Variants in PSMD1 observed in about 807,000 individuals in gnomAD.
PSMD1 encodes proteasome 26S subunit, non-ATPase 1.
In PSMD1, 18 loss-of-function variants were observed where a neutral mutation model predicts 119.0. The observed-to-expected ratio is 0.15, with a 90% confidence interval of 0.10 to 0.22. The LOEUF is 0.22. Ranked by LOEUF, PSMD1 falls within the 10% of genes least tolerant of loss-of-function variation. The pLI is 1.00. For missense variants in PSMD1, 702 were observed against 1,158.5 expected (o/e 0.61, Z 5.72); for synonymous variants, 374 against 396.6 (o/e 0.94, Z 0.68).
intron 16 of PSMD1, among the ~76,000 whole-genome samples, chr2:231,134,361 A>T (rs928943890): frequency 6.6e-6 from 1 of 152,248 alleles, no homozygotes. Flanking sequence ...GAACCGCTGT[A>T]TCAGACAATT....
At chr2:231,119,986 C>G (rs1316929774) in intron 16 of PSMD1, among the ~76,000 whole-genome samples, 1 of 144,416 alleles carries the variant, frequency 6.9e-6, no homozygotes, top group Non-Finnish European at 1.5e-5. Flanking sequence ...AGAGCCTCAC[C>G]CCGTCACCCA....
At position 231,170,906 on chromosome 2, in the gene PSMD1, C is replaced by T. The variant is rs952579114; in HGVS notation, c.*9+185C>T. Among the ~76,000 whole-genome samples the T allele has an allele frequency of 2.6e-5, 4 of 152,076 alleles. No individual in the cohort carries two copies. The highest frequency in any genetic ancestry group is 5.9e-5 in the Non-Finnish European group (4 of 67,998). ...ATAACCACAAATTCCTTTTTCTTTC[C>T]TCTTTGACTCGTACTCTACTCACGT... On this transcript the variant is annotated intron_variant, in intron 24 of 24. Transcript: ENST00000308696. This position sits in a 1 kb window ranked among gnomAD's most constrained non-coding sequence, Gnocchi z 4.1.
At chr2:231,114,051 A>G (rs1559236406) in intron 16 of PSMD1, 1 of 758,674 alleles carries the variant, frequency 1.3e-6, no homozygotes, top group Non-Finnish European at 2.3e-6. Context: ...TATAACTTTA[A>G]CAACATAATG....
intron 9 of PSMD1, among the ~76,000 whole-genome samples, chr2:231,078,335 C>G (rs1475338010): frequency 1.3e-5 from 2 of 152,156 alleles, no homozygotes; most frequent in African/African-American, 4.8e-5. Context: ...CAGGTTATCT[C>G]AACACCTTGG....
At chr2:231,151,084 A>C (rs1696368187) in intron 18 of PSMD1, among the ~76,000 whole-genome samples, 1 of 152,198 alleles carries the variant, frequency 6.6e-6, no homozygotes, top group African/African-American at 2.4e-5. Flanking sequence ...ACAGCGTTGC[A>C]TAAAATTTTA....
At chr2:231,169,146 TTGGGATTTTTTTTTGTGTGTG>T in intron 23 of PSMD1, among the ~76,000 whole-genome samples, 1 of 152,344 alleles carries the variant, frequency 6.6e-6, no homozygotes, top group African/African-American at 2.4e-5. Flanking sequence ...ATTATTAGTT[TTGGGATTTTTTTTTGTGTGTG>T]TGTTACTGTT....
chr2:231,092,616 C>A (rs187112646), intron 16 of PSMD1, among the ~76,000 whole-genome samples: 331 of 152,264 alleles, frequency 2.2e-3, no homozygotes, highest in African/African-American at 6.4e-3. Flanking sequence ...GGCTGCAAAA[C>A]TGTGATTGAT....
intron 5 of PSMD1, among the ~76,000 whole-genome samples, chr2:231,068,259 T>C (rs1329717211): frequency 6.6e-6 from 1 of 152,206 alleles, no homozygotes; most frequent in Non-Finnish European, 1.5e-5. Context: ...GTGTTTAGCG[T>C]CGATAATACG....
intron 16 of PSMD1, among the ~76,000 whole-genome samples, chr2:231,093,715 G>T (rs1020498476): frequency 1.3e-5 from 2 of 152,104 alleles, no homozygotes; most frequent in African/African-American, 4.8e-5. Flanking sequence ...AAAATTAAGG[G>T]TAAATAAGGC....
intron 3 of PSMD1, 85 bp from the exon 4 acceptor site, chr2:231,062,419 ACT>A (rs1386259027): frequency 6.5e-7 from 1 of 1,548,254 alleles, no homozygotes; most frequent in African/African-American, 1.4e-5. Flanking sequence ...TTTGCTGTTA[ACT>A]GAATTGTGGC....
At chr2:231,079,101 C>G (rs1694245710) in intron 10 of PSMD1, among the ~76,000 whole-genome samples, 1 of 152,034 alleles carries the variant, frequency 6.6e-6, no homozygotes, top group African/African-American at 2.4e-5. Flanking sequence ...GGCCTAAAAT[C>G]CTTTTTAACA....
intron 7 of PSMD1, among the ~76,000 whole-genome samples, chr2:231,074,520 T>G (rs1694116226): frequency 6.6e-6 from 1 of 152,180 alleles, no homozygotes; most frequent in African/African-American, 2.4e-5. Context: ...TCTGAAATTA[T>G]TATTTTTTCT....
chr2:231,062,821 C>T, intron 4 of PSMD1, 146 bp downstream of exon 4: 3 of 670,900 alleles, frequency 4.5e-6, no homozygotes, highest in South Asian at 4.8e-5. Context: ...TTTATGCAGG[C>T]TGAGTTTTTA....
intron 16 of PSMD1, among the ~76,000 whole-genome samples, chr2:231,105,727 G>A (rs1323035104): frequency 1.3e-5 from 2 of 151,960 alleles, no homozygotes; most frequent in South Asian, 4.1e-4. Context: ...GTGATTCCTT[G>A]AATATAAAAA....
chr2:231,112,083 T>C (rs1177597285), intron 16 of PSMD1, among the ~76,000 whole-genome samples: 1 of 152,164 alleles, frequency 6.6e-6, no homozygotes, highest in Non-Finnish European at 1.5e-5. Context: ...AATATTTTAA[T>C]TATTCTTAAG....
At chr2:231,110,146 C>G (rs1311070946) in intron 16 of PSMD1, among the ~76,000 whole-genome samples, 1 of 152,068 alleles carries the variant, frequency 6.6e-6, no homozygotes, top group African/African-American at 2.4e-5. Context: ...ATGGCGAAAC[C>G]CCATCTCTAC....
At chr2:231,121,136 T>C (rs1695526566) in intron 16 of PSMD1, among the ~76,000 whole-genome samples, 1 of 152,208 alleles carries the variant, frequency 6.6e-6, no homozygotes, top group Non-Finnish European at 1.5e-5. Flanking sequence ...GTTCACAGAT[T>C]TGTTCATTTT....
At chr2:231,139,125 T>G (rs980015601) in intron 17 of PSMD1, 1 of 437,382 alleles carries the variant, frequency 2.3e-6, no homozygotes, top group Non-Finnish European at 4.2e-6. Context: ...TTTGTTTTTG[T>G]TTTTTTTGTT....
chr2:231,064,438 A>G (rs1693846178), intron 4 of PSMD1, among the ~76,000 whole-genome samples: 1 of 152,238 alleles, frequency 6.6e-6, no homozygotes, highest in African/African-American at 2.4e-5. Flanking sequence ...GAATGAGAAC[A>G]TGAATCTCAT....
Sources: gnomAD v4.1 joint callset for allele counts (sites outside exome capture counted in the v4.1 genomes callset) on GRCh38, gnomAD v4.1.1 for gene constraint, Gnocchi (gnomAD v3.1) non-coding constraint, MANE v1.5 for transcripts, NCBI Gene and HGNC (gene_info 2026-07-23, HGNC 2026-07-21) for gene names.